The following LRMDA variants were observed in gnomAD, a reference collection of about 807,000 sequenced individuals.
LRMDA encodes the protein leucine rich melanocyte differentiation associated.
A neutral mutation model predicts 29.8 loss-of-function variants in LRMDA; 18 were observed. That is an observed-to-expected ratio of 0.60 (90% CI 0.42 to 0.90). LRMDA has a LOEUF of 0.90. Ranked by LOEUF, LRMDA falls within the 40% of genes least tolerant of loss-of-function variation. LRMDA has a pLI of 0.00. For synonymous variants in LRMDA, 125 were observed against 109.4 expected (o/e 1.14, Z -0.89); for missense variants, 273 against 273.9 (o/e 1.00, Z 0.02).
At chr10:76,065,107 G>A (rs772167681) in intron 5 of LRMDA, among the ~76,000 whole-genome samples, 1 of 151,998 alleles carries the variant, frequency 6.6e-6, no homozygotes, top group Non-Finnish European at 1.5e-5. Context: ...CAGTTTGTTT[G>A]TTTTTTCAAC....
At chr10:76,008,345 T>C (rs1847710643) in intron 2 of LRMDA, among the ~76,000 whole-genome samples, 1 of 152,190 alleles carries the variant, frequency 6.6e-6, no homozygotes, top group Admixed American at 6.5e-5. Flanking sequence ...TCCCATTGAC[T>C]GAAGGCTGGA....
At chr10:76,121,958 C>A (rs546034823) in intron 5 of LRMDA, among the ~76,000 whole-genome samples, 1 of 152,206 alleles carries the variant, frequency 6.6e-6, no homozygotes, top group African/African-American at 2.4e-5. Context: ...AGACTGAGTT[C>A]CTGTCCGAGG....
chr10:75,892,023 A>G (rs1285632674), intron 2 of LRMDA, among the ~76,000 whole-genome samples: 2 of 152,172 alleles, frequency 1.3e-5, no homozygotes, highest in Non-Finnish European at 2.9e-5. Flanking sequence ...CATGAGGCTG[A>G]ATGAGATCAC....
At chr10:75,652,561 G>C (rs1331541639) in intron 2 of LRMDA, among the ~76,000 whole-genome samples, 1 of 152,210 alleles carries the variant, frequency 6.6e-6, no homozygotes, top group African/African-American at 2.4e-5. Flanking sequence ...TTTCCCTCTT[G>C]GGTTTTGAGC....
intron 2 of LRMDA, among the ~76,000 whole-genome samples, chr10:75,820,664 G>C (rs1385129570): frequency 6.6e-6 from 1 of 151,956 alleles, no homozygotes; most frequent in Non-Finnish European, 1.5e-5. Flanking sequence ...AAATAACAAA[G>C]ATCAGAGCAG....
At chr10:76,472,124 C>T (rs954168019) in intron 6 of LRMDA, among the ~76,000 whole-genome samples, 1 of 151,784 alleles carries the variant, frequency 6.6e-6, no homozygotes, top group Non-Finnish European at 1.5e-5. Context: ...AGAATGCACA[C>T]TCTTCTCAAG....
chr10:75,859,600 T>TACACACACACAC lies in LRMDA; in HGVS notation c.132-176372_132-176361dup, dbSNP rs71024575. On this transcript the variant is annotated intron_variant, in intron 2 of 6. Coordinates refer to ENST00000611255, the MANE Select transcript of LRMDA (RefSeq NM_001305581.2). Reference sequence around the variant, plus strand: ...AGGACATCTTTATATATTCAGGGCATACACACACACACACACACACACACA... The same window carrying TACACACACACAC: ...AGGACATCTTTATATATTCAGGGCATACACACACACACACACACACACACACACACACACACA... 7.2e-3 allele frequency among the ~76,000 whole-genome samples: 558 copies of TACACACACACAC among 77,536 alleles called. 5 individuals carry two copies. Among genetic ancestry groups the TACACACACACAC allele is most frequent in the South Asian group, 0.016 (32 of 2,022 alleles). 50.9% of individuals were successfully genotyped at this position (77,536 alleles called of 152,430 possible). A position where few individuals can be genotyped will look rare whatever the true frequency, so the allele number is the denominator to read the frequency against.
chr10:76,023,654 T>C (rs960690891), intron 2 of LRMDA, among the ~76,000 whole-genome samples: 1 of 152,154 alleles, frequency 6.6e-6, no homozygotes, highest in Non-Finnish European at 1.5e-5. Context: ...GAGGCAAGGG[T>C]TTGACTGAAA....
At chr10:76,297,605 T>C (rs1349188467) in intron 5 of LRMDA, among the ~76,000 whole-genome samples, 1 of 152,196 alleles carries the variant, frequency 6.6e-6, no homozygotes, top group Non-Finnish European at 1.5e-5. Flanking sequence ...CGACTCTGGT[T>C]GGAATCATTC....
intron 6 of LRMDA, among the ~76,000 whole-genome samples, chr10:76,451,496 C>T (rs373411065): frequency 2.0e-5 from 3 of 151,424 alleles, no homozygotes; most frequent in Non-Finnish European, 3.0e-5. Flanking sequence ...TGAGCCACTG[C>T]ACCCGGCCTC....
intron 2 of LRMDA, among the ~76,000 whole-genome samples, chr10:75,534,856 T>C (rs1463930844): frequency 6.6e-6 from 1 of 152,204 alleles, no homozygotes; most frequent in Non-Finnish European, 1.5e-5. Flanking sequence ...AATTAGGGTT[T>C]GTACTTAGGT....
intron 5 of LRMDA, among the ~76,000 whole-genome samples, chr10:76,078,815 A>G (rs1250488084): frequency 1.3e-5 from 2 of 152,170 alleles, no homozygotes; most frequent in African/African-American, 4.8e-5. Flanking sequence ...AGCCTGGGCG[A>G]CAGAGCGAGA....
intron 5 of LRMDA, among the ~76,000 whole-genome samples, chr10:76,066,455 A>G (rs532456524): frequency 1.3e-5 from 2 of 152,358 alleles, no homozygotes; most frequent in African/African-American, 4.8e-5. Context: ...AGCAAGGTGG[A>G]ACCAGGTCCT....
At chr10:76,513,074 A>T (rs1011394495) in intron 6 of LRMDA, among the ~76,000 whole-genome samples, 3 of 152,148 alleles carry the variant, frequency 2.0e-5, no homozygotes, top group African/African-American at 7.2e-5. Flanking sequence ...AGAGTATGGT[A>T]ACTCTTTATT....
At chr10:75,901,854 C>G (rs140263757) in intron 2 of LRMDA, among the ~76,000 whole-genome samples, 465 of 152,166 alleles carry the variant, frequency 3.1e-3, no homozygotes, top group African/African-American at 0.011. Context: ...TTTTAGATCT[C>G]GAGGTTTTTC....
chr10:76,240,743 T>A (rs1283722133), intron 5 of LRMDA, among the ~76,000 whole-genome samples: 1 of 149,542 alleles, frequency 6.7e-6, no homozygotes. Flanking sequence ...CATTAATCAA[T>A]GAGTGGATAA....
intron 2 of LRMDA, among the ~76,000 whole-genome samples, chr10:76,022,025 T>A (rs543291215): frequency 6.6e-6 from 1 of 152,358 alleles, no homozygotes; most frequent in African/African-American, 2.4e-5. Context: ...TTCTTTGTAA[T>A]TCTGTACTTT....
intron 2 of LRMDA, among the ~76,000 whole-genome samples, chr10:75,571,120 C>T (rs909347395): frequency 2.0e-5 from 3 of 151,788 alleles, no homozygotes; most frequent in African/African-American, 7.2e-5. Context: ...GGGAGGTGTT[C>T]AGATCTGCCA....
At chr10:75,996,981 C>A (rs976908746) in intron 2 of LRMDA, among the ~76,000 whole-genome samples, 1 of 152,112 alleles carries the variant, frequency 6.6e-6, no homozygotes, top group African/African-American at 2.4e-5. Context: ...ATCCACCCGC[C>A]TCGCCCTCCC....
Sources: gnomAD v4.1 joint callset for allele counts (sites outside exome capture counted in the v4.1 genomes callset) on GRCh38, gnomAD v4.1.1 for gene constraint, MANE v1.5 for transcripts, NCBI Gene and HGNC (gene_info 2026-07-23, HGNC 2026-07-21) for gene names.